Variants in CASS4 observed in about 807,000 individuals in gnomAD.
The protein encoded by CASS4 is Cas scaffold protein family member 4.
In CASS4, 22 loss-of-function variants were observed where a neutral mutation model predicts 54.2. The ratio of observed to expected loss-of-function variants is 0.41; its 90% CI spans 0.29 to 0.58. The LOEUF (loss-of-function observed/expected upper bound fraction) is 0.58. CASS4 is among the 20% of genes least tolerant of loss of function. The pLI is 0.36. For synonymous variants in CASS4, 409 were observed against 391.5 expected (o/e 1.04, Z -0.53); for missense variants, 854 against 986.7 (o/e 0.87, Z 1.80).
chr20:56,438,454 C>A (rs1980298304), intron 2 of CASS4, among the ~76,000 whole-genome samples: 1 of 152,066 alleles, frequency 6.6e-6, no homozygotes, highest in South Asian at 2.1e-4. Context: ...ATTGGTTATA[C>A]ATATCTTGGC....
chr20:56,416,695 G>C (rs1239181343), intron 1 of CASS4, among the ~76,000 whole-genome samples: 1 of 152,086 alleles, frequency 6.6e-6, no homozygotes, highest in African/African-American at 2.4e-5. Flanking sequence ...AATAAGCTTT[G>C]GCACTTATTT....
chr20:56,454,183 GAAC>G (rs1280841906), intron 5 of CASS4, among the ~76,000 whole-genome samples: 3 of 151,982 alleles, frequency 2.0e-5, no homozygotes, highest in South Asian at 2.1e-4. Context: ...TCTGTCTCAA[GAAC>G]AACAACAACA....
chr20:56,437,019 C>A lies in CASS4; in HGVS notation c.37-145C>A. ...GGATGTGAAGGAACAAATCAAAGAGCAGGGACAAGAGCCTCTGGGGTGGAA... is the reference window on the plus strand; with the variant it reads ...GGATGTGAAGGAACAAATCAAAGAGAAGGGACAAGAGCCTCTGGGGTGGAA... On this transcript the variant is annotated intron_variant, in intron 1 of 5. Coordinates refer to ENST00000679887, the MANE Select transcript of CASS4 (RefSeq NM_020356.4). This position sits in a 1 kb window ranked among gnomAD's most constrained non-coding sequence, Gnocchi z 4.7. 1 of 715,342 alleles carries A rather than the reference C, an allele frequency of 1.4e-6. No individual in the cohort carries two copies. Among genetic ancestry groups the A allele is most frequent in the East Asian group, 2.8e-5 (1 of 35,534 alleles). 44.3% of individuals were successfully genotyped at this position (715,342 alleles called of 1,614,324 possible). A position where few individuals can be genotyped will look rare whatever the true frequency, so the allele number is the denominator to read the frequency against.
At chr20:56,419,002 G>A (rs1384734151) in intron 1 of CASS4, among the ~76,000 whole-genome samples, 1 of 151,754 alleles carries the variant, frequency 6.6e-6, no homozygotes, top group Non-Finnish European at 1.5e-5. Flanking sequence ...GAGCACACTT[G>A]GGGGGAAAAA....
At chr20:56,433,648 A>G (rs1980021823) in intron 1 of CASS4, among the ~76,000 whole-genome samples, 1 of 152,198 alleles carries the variant, frequency 6.6e-6, no homozygotes, top group East Asian at 1.9e-4. Context: ...AAGACACCCC[A>G]TGGGATGCCT....
intron 1 of CASS4, among the ~76,000 whole-genome samples, chr20:56,433,630 G>T (rs1263206367): frequency 6.6e-6 from 1 of 152,212 alleles, no homozygotes; most frequent in Non-Finnish European, 1.5e-5. Context: ...ACAATTGGCT[G>T]ACCCAGAAAG....
Position 56,452,417 on chromosome 20 carries a change from C to T in CASS4, c.1241C>T (p.Ser414Phe), listed in dbSNP as rs558313544. Residue 414 changes from serine to phenylalanine, a missense_variant, in exon 5 of 6, where the codon TCC becomes TTC. Coordinates refer to ENST00000679887, the MANE Select transcript of CASS4 (RefSeq NM_020356.4). ...DSRASIVSSCSTTSTDDSSSS... is the reference protein window; with the variant it reads ...DSRASIVSSCFTTSTDDSSSS... ...AGAGCTAGCATCGTTTCCTCGTGCTCCACCACATCCACCGACGACTCCTCC... is the reference window on the plus strand; with the variant it reads ...AGAGCTAGCATCGTTTCCTCGTGCTTCACCACATCCACCGACGACTCCTCC... 144 of 1,614,042 alleles carry T rather than the reference C, an allele frequency of 8.9e-5. 1 individual carries two copies. In the South Asian group the frequency reaches 1.4e-3, roughly 16 times the overall value.
Position 56,437,064 on chromosome 20 carries a change from T to G in CASS4, c.37-100T>G. 1 of 1,045,410 alleles carries G rather than the reference T, an allele frequency of 9.6e-7. No individual in the cohort carries two copies. Among genetic ancestry groups the G allele is most frequent in the South Asian group, 1.7e-5 (1 of 60,498 alleles). 64.8% of individuals were successfully genotyped at this position (1,045,410 alleles called of 1,614,324 possible). On this transcript the variant is annotated intron_variant, in intron 1 of 5. Transcript: ENST00000679887. This position sits in a 1 kb window ranked among gnomAD's most constrained non-coding sequence, Gnocchi z 4.7. The stretch of plus-strand genomic sequence containing the variant: ...GTGGAAGAAATGAAATGAAAGGGCA[T>G]GATGAATTTGTATGAAGCTTTCTAA...
chr20:56,431,589 A>G (rs556396493), intron 1 of CASS4, among the ~76,000 whole-genome samples: 1 of 152,350 alleles, frequency 6.6e-6, no homozygotes, highest in East Asian at 1.9e-4. Flanking sequence ...ATCAAGAATA[A>G]GACTGCTGCT....
Position 56,453,006 on chromosome 20 carries a change from A to C in CASS4, c.1830A>C (p.Lys610Asn), listed in dbSNP as rs1290106795. The change falls in exon 5 of 6, where the codon AAA (lysine) becomes AAC (asparagine). Residue 610 changes from lysine to asparagine, a missense_variant. By Grantham distance (94) the Lys-to-Asn change is moderately conservative. Coordinates refer to ENST00000679887, the MANE Select transcript of CASS4 (RefSeq NM_020356.4). ...CAAATGCAGAATTTAAGTGTGAAAA[A>C]TACATCCAGCCTCCCCAAAGAGAAA... ...LTPNAEFKCE[K>N]YIQPPQRETE... The C allele has an allele frequency of 2.5e-6, 4 of 1,614,004 alleles. No individual in the cohort carries two copies. The East Asian group carries it at 8.9e-5, about 36-fold the overall frequency.
intron 1 of CASS4, among the ~76,000 whole-genome samples, chr20:56,423,563 G>T (rs1008878644): frequency 4.0e-5 from 6 of 151,866 alleles, no homozygotes; most frequent in African/African-American, 1.5e-4. Context: ...TTTATTTATT[G>T]AGATGGAGTG....
chr20:56,442,059 C>T (rs1980488175), intron 2 of CASS4, among the ~76,000 whole-genome samples: 1 of 149,036 alleles, frequency 6.7e-6, no homozygotes, highest in Non-Finnish European at 1.5e-5. Flanking sequence ...CAACTCTGAG[C>T]CACGGGTTTT....
chr20:56,416,680 A>C (rs1030457812), intron 1 of CASS4, among the ~76,000 whole-genome samples: 3 of 152,226 alleles, frequency 2.0e-5, no homozygotes, highest in African/African-American at 7.2e-5. Context: ...GATTTTACTG[A>C]ATGAAATAAG....
chr20:56,416,631 G>A (rs1979153762), intron 1 of CASS4, among the ~76,000 whole-genome samples: 1 of 151,750 alleles, frequency 6.6e-6, no homozygotes, highest in Non-Finnish European at 1.5e-5. Context: ...CCAATAACAT[G>A]ATTTTCTCAC....
chr20:56,458,734 G>A lies in CASS4; in HGVS notation c.2348G>A (p.Gly783Glu), dbSNP rs769925748. The change falls in exon 6 of 6, where the codon GGG (glycine) becomes GAG (glutamate). Residue 783 changes from glycine to glutamate, a missense_variant. Transcript: ENST00000679887. ...GAGCAACACACGCGGCAGTTCAGAG[G>A]GACACTGGGATGAGGACTGTCTACC... ...KLEQHTRQFRGTLG is the reference protein window; with the variant it reads ...KLEQHTRQFRETLG The A allele has an allele frequency of 6.2e-7, 1 of 1,603,954 alleles. No homozygotes were observed. The highest frequency in any genetic ancestry group is 8.5e-7 in the Non-Finnish European group (1 of 1,174,154).
intron 1 of CASS4, among the ~76,000 whole-genome samples, chr20:56,429,916 A>G (rs1436904290): frequency 6.6e-6 from 1 of 151,776 alleles, no homozygotes; most frequent in Non-Finnish European, 1.5e-5. Context: ...AACTTCTTGT[A>G]TTTTCTTTCC....
chr20:56,440,258 C>T (rs1018417737), intron 2 of CASS4, among the ~76,000 whole-genome samples: 2 of 152,222 alleles, frequency 1.3e-5, no homozygotes, highest in African/African-American at 4.8e-5. Flanking sequence ...GCCTGGCATG[C>T]TCAGCTGCTG....
chr20:56,459,529 GT>G lies in CASS4; in HGVS notation c.*786del. The G allele has an allele frequency of 4.2e-6, 1 of 240,432 alleles. No homozygotes were observed. Among genetic ancestry groups the G allele is most frequent in the Non-Finnish European group, 9.2e-6 (1 of 108,642 alleles). 14.9% of individuals were successfully genotyped at this position (240,432 alleles called of 1,614,324 possible). A position where few individuals can be genotyped will look rare whatever the true frequency, so the allele number is the denominator to read the frequency against. On this transcript the variant is annotated 3_prime_UTR_variant, in exon 6 of 6. Transcript: ENST00000679887. ...ATCCACTGGGGAGTGGGGCGATTTT[GT>G]TTTAATTTCTCGGTCAGGAATCACT... is the stretch of plus-strand genomic sequence containing the variant.
At chr20:56,434,754 T>G (rs748050844) in intron 1 of CASS4, among the ~76,000 whole-genome samples, 85 of 152,098 alleles carry the variant, frequency 5.6e-4, no homozygotes, top group Non-Finnish European at 8.2e-4. Context: ...CCACAATTTA[T>G]TTTTAAGTGG....
Sources: allele counts gnomAD v4.1 joint callset (sites outside exome capture counted in the v4.1 genomes callset), GRCh38; gene constraint gnomAD v4.1.1; non-coding constraint Gnocchi (gnomAD v3.1); transcripts MANE v1.5; gene names NCBI Gene and HGNC (gene_info 2026-07-23, HGNC 2026-07-21).